The following CTNNA2 variants were observed in gnomAD, a reference collection of about 807,000 sequenced individuals.
The protein encoded by CTNNA2 is catenin alpha-2.
CTNNA2 carries 42 observed loss-of-function variants against 101.0 expected under a neutral mutation model. The ratio of observed to expected loss-of-function variants is 0.42; its 90% CI spans 0.32 to 0.54. CTNNA2 has a LOEUF of 0.54. Ranked by LOEUF, CTNNA2 falls within the 20% of genes least tolerant of loss-of-function variation. The pLI, the probability that CTNNA2 is intolerant of heterozygous loss-of-function variation, is 0.14. For synonymous variants in CTNNA2, 450 were observed against 456.4 expected (o/e 0.99, Z 0.18); for missense variants, 871 against 1,223.1 (o/e 0.71, Z 4.29).
intron 7 of CTNNA2, among the ~76,000 whole-genome samples, chr2:80,372,573 A>C (rs1675546613): frequency 6.6e-6 from 1 of 152,152 alleles, no homozygotes; most frequent in East Asian, 1.9e-4. Flanking sequence ...TTATCATATG[A>C]GTATGTCATA....
intron 1 of CTNNA2, among the ~76,000 whole-genome samples, chr2:79,631,203 G>A (rs545342131): frequency 1.3e-5 from 2 of 152,260 alleles, no homozygotes; most frequent in East Asian, 3.9e-4. Context: ...AACGCCTTAT[G>A]TGGTAACTCT....
intron 3 of CTNNA2, among the ~76,000 whole-genome samples, chr2:79,346,251 C>A (rs961007523): frequency 1.3e-5 from 2 of 152,100 alleles, no homozygotes; most frequent in African/African-American, 4.8e-5. Context: ...TAATATTGAC[C>A]TAACCCCTGT....
chr2:80,281,592 G>T (rs918718142), intron 7 of CTNNA2, among the ~76,000 whole-genome samples: 9 of 151,966 alleles, frequency 5.9e-5, no homozygotes, highest in Non-Finnish European at 1.3e-4. Flanking sequence ...TAGGGCCCTT[G>T]GTTCTTACTT....
chr2:79,253,271 GC>G (rs1482586392), intron 2 of CTNNA2, among the ~76,000 whole-genome samples: 23 of 152,162 alleles, frequency 1.5e-4, no homozygotes, highest in Admixed American at 1.5e-3. Flanking sequence ...TTATCTCTGT[GC>G]AGTGTTGGAA....
At chr2:79,911,951 A>C (rs1277311235) in intron 7 of CTNNA2, among the ~76,000 whole-genome samples, 2 of 152,218 alleles carry the variant, frequency 1.3e-5, no homozygotes, top group East Asian at 3.9e-4. Flanking sequence ...ATGAATACAA[A>C]AACACATACA....
At chr2:80,259,586 GA>G (rs1299853723) in intron 7 of CTNNA2, among the ~76,000 whole-genome samples, 2 of 152,126 alleles carry the variant, frequency 1.3e-5, no homozygotes, top group South Asian at 2.1e-4. Context: ...CCCTTTTCCA[GA>G]AGTCTCAGTT....
intron 7 of CTNNA2, among the ~76,000 whole-genome samples, chr2:80,007,830 G>T (rs1693482852): frequency 6.6e-6 from 1 of 152,132 alleles, no homozygotes; most frequent in Admixed American, 6.6e-5. Flanking sequence ...ATTGGAGGAG[G>T]TGAGGACAGT....
chr2:80,356,551 GAACC>G, intron 7 of CTNNA2, among the ~76,000 whole-genome samples: 1 of 152,106 alleles, frequency 6.6e-6, no homozygotes, highest in Non-Finnish European at 1.5e-5. Flanking sequence ...ATGTGGGGAT[GAACC>G]ATACAGAGAG....
chr2:79,924,690 T>A (rs1403601427), intron 7 of CTNNA2, among the ~76,000 whole-genome samples: 2 of 152,122 alleles, frequency 1.3e-5, no homozygotes, highest in African/African-American at 4.8e-5. Flanking sequence ...TCAAAGTGCA[T>A]TATTCAAAGT....
intron 7 of CTNNA2, among the ~76,000 whole-genome samples, chr2:80,079,655 T>C (rs1290509993): frequency 6.6e-6 from 1 of 151,336 alleles, no homozygotes; most frequent in Non-Finnish European, 1.5e-5. Flanking sequence ...CTACTAAAAA[T>C]ACAAAAAAAT....
chr2:80,381,242 G>A (rs1014842984), intron 7 of CTNNA2, among the ~76,000 whole-genome samples: 1 of 151,714 alleles, frequency 6.6e-6, no homozygotes, highest in Non-Finnish European at 1.5e-5. Context: ...AGAGCACAGA[G>A]CTTGATAAGC....
At chr2:79,677,538 A>G (rs1042743871) in intron 2 of CTNNA2, among the ~76,000 whole-genome samples, 4 of 152,214 alleles carry the variant, frequency 2.6e-5, no homozygotes, top group African/African-American at 9.7e-5. Context: ...ACATGGTTAC[A>G]TGACAGCCCA....
chr2:79,760,287 ATGTGTGTG>A (rs72350498), intron 3 of CTNNA2, among the ~76,000 whole-genome samples: 6 of 149,732 alleles, frequency 4.0e-5, no homozygotes, highest in African/African-American at 1.2e-4. Context: ...TACATATAAA[ATGTGTGTG>A]TGTGTGTGTG....
intron 7 of CTNNA2, among the ~76,000 whole-genome samples, chr2:79,989,702 G>A (rs56666317): frequency 0.033 from 5,067 of 152,196 alleles, 244 homozygotes; most frequent in African/African-American, 0.11. Flanking sequence ...GCATGCATCT[G>A]ACAATCTTTG....
chr2:79,500,728 C>T (rs1299164288), intron 4 of CTNNA2: 2 of 152,276 alleles, frequency 1.3e-5, no homozygotes, highest in Non-Finnish European at 2.9e-5. Context: ...TTGTTCTTTT[C>T]TCTTGCTCTT....
At chr2:80,381,619 G>T (rs1676522791) in intron 7 of CTNNA2, among the ~76,000 whole-genome samples, 1 of 152,168 alleles carries the variant, frequency 6.6e-6, no homozygotes, top group Admixed American at 6.5e-5. Context: ...AAACAGCCCT[G>T]GCTCTGGCAC....
At chr2:80,360,067 G>A (rs971421751) in intron 7 of CTNNA2, among the ~76,000 whole-genome samples, 1 of 151,986 alleles carries the variant, frequency 6.6e-6, no homozygotes, top group African/African-American at 2.4e-5. Context: ...TTTTAGCAAA[G>A]TTTTGTAGTT....
chr2:79,246,488 G>A (rs1017555860), intron 2 of CTNNA2, among the ~76,000 whole-genome samples: 1 of 152,190 alleles, frequency 6.6e-6, no homozygotes, highest in African/African-American at 2.4e-5. Context: ...CAAGTCCACA[G>A]GAATTAGCTG....
chr2:79,473,855 TA>T (rs1264213897), intron 4 of CTNNA2, among the ~76,000 whole-genome samples: 1 of 152,152 alleles, frequency 6.6e-6, no homozygotes, highest in Non-Finnish European at 1.5e-5. Context: ...ATATACTTTT[TA>T]ACCTTATTTT....
Sources: allele counts gnomAD v4.1 joint callset (sites outside exome capture counted in the v4.1 genomes callset), GRCh38; gene constraint gnomAD v4.1.1; transcripts MANE v1.5; gene names NCBI Gene and HGNC (gene_info 2026-07-23, HGNC 2026-07-21).